Variants in DPH6 observed in about 807,000 individuals in gnomAD.
The protein encoded by DPH6 is diphthine--ammonia ligase.
Under a neutral mutation model 38.2 loss-of-function variants are expected in DPH6, and 33 were observed. The observed-to-expected ratio is 0.86, with a 90% confidence interval of 0.65 to 1.15. DPH6 has a LOEUF of 1.15. Ranked by LOEUF, DPH6 falls within the 50% of genes most tolerant of loss-of-function variation. The pLI is 0.00. For synonymous variants in DPH6, 108 were observed against 103.0 expected (o/e 1.05, Z -0.30); for missense variants, 325 against 320.0 (o/e 1.02, Z -0.12).
chr15:35,275,524 G>A lies in DPH6; in HGVS notation n.201-54942C>T, dbSNP rs2051851961. On this transcript the variant is annotated intron_variant and non_coding_transcript_variant, in intron 3 of 3. Coordinates refer to the DPH6 transcript ENST00000560386. ...AATGAGAACACATGGACACAGGGAG[G>A]AGAATATCACACACTGGGGCCTGTC... Among the ~76,000 whole-genome samples, 2 of 152,048 alleles carry A rather than the reference G, an allele frequency of 1.3e-5. 1 individual carries two copies. The highest frequency in any genetic ancestry group is 4.1e-4 in the South Asian group (2 of 4,822).
At chr15:35,456,696 C>G (rs2054002008) in intron 3 of DPH6, among the ~76,000 whole-genome samples, 1 of 151,886 alleles carries the variant, frequency 6.6e-6, no homozygotes, top group African/African-American at 2.4e-5. Flanking sequence ...CCATATTGGC[C>G]AGGCTGGTCT....
chr15:35,529,633 G>T (rs1462002490), intron 3 of DPH6, among the ~76,000 whole-genome samples: 1 of 152,158 alleles, frequency 6.6e-6, no homozygotes, highest in Non-Finnish European at 1.5e-5. Flanking sequence ...CTCTGTATAA[G>T]TGTCTTATCC....
chr15:35,360,551 T>C (rs1845748934), intron 3 of DPH6, among the ~76,000 whole-genome samples: 2 of 152,152 alleles, frequency 1.3e-5, no homozygotes, highest in Non-Finnish European at 2.9e-5. Context: ...ACCAGGGCTA[T>C]GGATAGATGT....
At chr15:35,270,037 G>C (rs1161126031) in intron 3 of DPH6, among the ~76,000 whole-genome samples, 1 of 151,462 alleles carries the variant, frequency 6.6e-6, no homozygotes, top group Non-Finnish European at 1.5e-5. Flanking sequence ...CTGACCTCGT[G>C]ATCCGCCCGC....
chr15:35,438,801 C>T (rs1363428641), intron 5 of DPH6, among the ~76,000 whole-genome samples: 1 of 152,122 alleles, frequency 6.6e-6, no homozygotes, highest in Non-Finnish European at 1.5e-5. Flanking sequence ...CGGAAACAGC[C>T]TTGGAGATTA....
intron 3 of DPH6, among the ~76,000 whole-genome samples, chr15:35,507,489 G>T (rs1047791246): frequency 6.6e-6 from 1 of 151,934 alleles, no homozygotes; most frequent in African/African-American, 2.4e-5. Flanking sequence ...GTGCAGGTTT[G>T]AATTTTAACA....
chr15:35,467,528 G>A (rs369266659), intron 3 of DPH6, among the ~76,000 whole-genome samples: 4 of 152,028 alleles, frequency 2.6e-5, no homozygotes, highest in East Asian at 1.9e-4. Flanking sequence ...ATCGCACCAC[G>A]GCACTCCAGC....
At position 35,372,059 on chromosome 15, in the gene DPH6, A is replaced by G. The variant is rs2052719293; in HGVS notation, c.*91T>C. 1 of 1,454,852 alleles carries G rather than the reference A, an allele frequency of 6.9e-7. No homozygotes were observed. Among genetic ancestry groups the G allele is most frequent in the Non-Finnish European group, 9.0e-7 (1 of 1,108,206 alleles). 90.1% of individuals were successfully genotyped at this position (1,454,852 alleles called of 1,614,324 possible). A position where few individuals can be genotyped will look rare whatever the true frequency, so the allele number is the denominator to read the frequency against. ...TCTAAAAAAATAAGAGTCATGAGAAAAAAATAAACTAGTCATAGTAACTGA... is the reference window on the plus strand; with the variant it reads ...TCTAAAAAAATAAGAGTCATGAGAAGAAAATAAACTAGTCATAGTAACTGA... On this transcript the variant is annotated 3_prime_UTR_variant, in exon 9 of 9. Transcript: ENST00000256538.
At chr15:35,406,265 C>T (rs998209346) in intron 6 of DPH6, among the ~76,000 whole-genome samples, 8 of 151,942 alleles carry the variant, frequency 5.3e-5, no homozygotes, top group African/African-American at 1.9e-4. Flanking sequence ...CTCTGGGAAA[C>T]CATCGATAGT....
chr15:35,254,472 A>C (rs923942933), intron 3 of DPH6, among the ~76,000 whole-genome samples: 8 of 152,212 alleles, frequency 5.3e-5, no homozygotes, highest in African/African-American at 1.9e-4. Flanking sequence ...AAAATATCTG[A>C]AATTTCATTG....
At chr15:35,481,424 A>G (rs1595402033) in intron 3 of DPH6, among the ~76,000 whole-genome samples, 1 of 152,222 alleles carries the variant, frequency 6.6e-6, no homozygotes, top group Non-Finnish European at 1.5e-5. Context: ...CTTGAAAGAC[A>G]TATTAACCAA....
At chr15:35,156,760 G>C in the DPH6 span, among the ~76,000 whole-genome samples, 2 of 152,130 alleles carry the variant, frequency 1.3e-5, no homozygotes, top group Admixed American at 6.6e-5. Context: ...GAAAGACCCA[G>C]TGGGCCACAA....
intron 3 of DPH6, among the ~76,000 whole-genome samples, chr15:35,496,564 AAAAATATATATAT>A (rs1474667449): frequency 2.1e-5 from 2 of 95,104 alleles, no homozygotes; most frequent in East Asian, 6.3e-4. Flanking sequence ...TCAAAAAAAA[AAAAATATATATAT>A]ATATATATAT....
intron 3 of DPH6, among the ~76,000 whole-genome samples, chr15:35,512,515 C>T (rs925378395): frequency 3.9e-5 from 6 of 151,996 alleles, no homozygotes; most frequent in Non-Finnish European, 8.8e-5. Flanking sequence ...ACTTTAGCCC[C>T]CTTAAATCCC....
intron 3 of DPH6, among the ~76,000 whole-genome samples, chr15:35,347,335 T>C (rs1211871735): frequency 6.6e-6 from 1 of 152,102 alleles, no homozygotes; most frequent in African/African-American, 2.4e-5. Context: ...TGTTTGTTTG[T>C]AGAGATGGGG....
intron 3 of DPH6, chr15:35,299,252 G>C (rs906792480): frequency 6.4e-6 from 7 of 1,100,138 alleles, no homozygotes; most frequent in Admixed American, 3.4e-5. Context: ...CAATTTGCCC[G>C]GTCATCTGAG....
chr15:35,279,802 GAACT>G (rs2051886382), intron 3 of DPH6, among the ~76,000 whole-genome samples: 3 of 152,066 alleles, frequency 2.0e-5, no homozygotes, highest in Admixed American at 6.6e-5. Context: ...AGTGTTGCAA[GAACT>G]AACTCCCCAC....
At chr15:35,492,686 C>CT (rs2054500914) in intron 3 of DPH6, among the ~76,000 whole-genome samples, 1 of 152,174 alleles carries the variant, frequency 6.6e-6, no homozygotes, top group Non-Finnish European at 1.5e-5. Context: ...TTAATCTTCA[C>CT]TTTAACTTCA....
At chr15:35,180,519 C>T in the DPH6 span, among the ~76,000 whole-genome samples, 1 of 152,088 alleles carries the variant, frequency 6.6e-6, no homozygotes, top group Non-Finnish European at 1.5e-5. Context: ...CCCAGGCTGG[C>T]ACACGATCAT....
Sources: allele counts gnomAD v4.1 joint callset (sites outside exome capture counted in the v4.1 genomes callset), GRCh38; gene constraint gnomAD v4.1.1; transcripts MANE v1.5; gene names NCBI Gene and HGNC (gene_info 2026-07-23, HGNC 2026-07-21).